The following ALS2CL variants were observed in gnomAD, a reference collection of about 807,000 sequenced individuals.
ALS2CL encodes ALS2 C-terminal like, also known as ALS2 C-terminal-like protein.
Under a neutral mutation model 127.9 loss-of-function variants are expected in ALS2CL, and 112 were observed. The ratio of observed to expected loss-of-function variants is 0.88; its 90% CI spans 0.75 to 1.02. The LOEUF (loss-of-function observed/expected upper bound fraction) is 1.02. Ranked by LOEUF, ALS2CL falls within the 50% of genes least tolerant of loss-of-function variation. The probability of loss-of-function intolerance (pLI) is 0.00; values close to 1 mark genes in which losing one functional copy is unlikely to be tolerated. For missense variants in ALS2CL, 1,174 were observed against 1,236.7 expected, an observed-to-expected ratio of 0.95 and a Z score of 0.76; for synonymous variants, 519 against 527.6, an observed-to-expected ratio of 0.98 and a Z score of 0.22.
rs145221252 is a variant in ALS2CL at position 46,682,858 on chromosome 3, C to T, written c.1109+272G>A. Among the ~76,000 whole-genome samples the T allele has an allele frequency of 8.4e-3, 1,284 of 152,346 alleles. 27 individuals carry two copies. Among genetic ancestry groups the T allele is most frequent in the African/African-American group, 0.029 (1,221 of 41,566 alleles). Reference sequence around the variant, plus strand: ...GATGTGAGAATTATTCTCCCACCCTCCTAAGAATGGAATGGCACCTGCAGG... The same window carrying T: ...GATGTGAGAATTATTCTCCCACCCTTCTAAGAATGGAATGGCACCTGCAGG... On this transcript the variant is annotated intron_variant, in intron 10 of 25. Coordinates refer to ENST00000318962, the MANE Select transcript of ALS2CL (RefSeq NM_147129.5).
Position 46,676,897 on chromosome 3 carries a change from T to G in ALS2CL, c.1883A>C (p.Gln628Pro). Reference protein sequence around the residue: ...LQEALLGFDVQSSRELRRSQD... With the variant: ...LQEALLGFDVPSSRELRRSQD... ...AGACCTACGCAGCTCCCTGGAGCTC[T>G]GCACGTCGAAGCCCAGCAGGGCCTC... The change falls in exon 17 of 26, where the codon CAG becomes CCG. Residue 628 changes from glutamine to proline, a missense_variant. Transcript: ENST00000318962. The G allele has an allele frequency of 6.2e-7, 1 of 1,612,720 alleles. No individual in the cohort carries two copies. The highest frequency in any genetic ancestry group is 2.2e-5 in the East Asian group (1 of 44,774).
chr3:46,687,172 C>A, intron 4 of ALS2CL, 24 bp from the exon 5 acceptor site: 4 of 1,503,426 alleles, frequency 2.7e-6, no homozygotes, highest in Non-Finnish European at 3.5e-6. Context: ...GGGCCACGCA[C>A]CACCTTCACC....
rs1392669190 is a variant in ALS2CL at position 46,675,649 on chromosome 3, C to T, written c.2224G>A (p.Ala742Thr). The T allele has an allele frequency of 4.3e-6, 7 of 1,613,766 alleles. No homozygotes were observed. The highest frequency in any genetic ancestry group is 5.9e-6 in the Non-Finnish European group (7 of 1,180,034). The change falls in exon 20 of 26, where the codon GCC becomes ACC. Residue 742 changes from alanine to threonine, a missense_variant. Coordinates refer to ENST00000318962, the MANE Select transcript of ALS2CL (RefSeq NM_147129.5). ...TCTGTGTCTTCATCCTCCTCCAGGG[C>T]CTGGCCCTTGCGCTCTAAGGCAACT... Reference protein sequence around the residue: ...LRVALERKGQALEEDEDTETR... With the variant: ...LRVALERKGQTLEEDEDTETR...
rs374281760 is a variant in ALS2CL at position 46,672,204 on chromosome 3, G to C, written c.2473-3C>G. 110 of 1,613,980 alleles carry C rather than the reference G, an allele frequency of 6.8e-5. No homozygotes were observed. Among genetic ancestry groups the C allele is most frequent in the Non-Finnish European group, 7.8e-5 (92 of 1,179,976 alleles). On this transcript the variant is annotated splice_region_variant and splice_polypyrimidine_tract_variant and intron_variant, in intron 22 of 25. Transcript: ENST00000318962. The stretch of plus-strand genomic sequence containing the variant: ...TTGTCCCTGACCAGGGAGTACCTCT[G>C]CATGGTGGAGGGAGTGGGCTGGATG...
At chr3:46,671,791 C>T in intron 24 of ALS2CL, 93 bp downstream of exon 24, 1 of 1,565,472 alleles carries the variant, frequency 6.4e-7, no homozygotes, top group East Asian at 2.3e-5. Flanking sequence ...AAGCTGCATC[C>T]ATAAACCCTG....
intron 21 of ALS2CL, among the ~76,000 whole-genome samples, chr3:46,673,722 G>A (rs1346347947): frequency 1.3e-5 from 2 of 152,212 alleles, no homozygotes; most frequent in Admixed American, 6.5e-5. Context: ...CAGAGGTGGA[G>A]GCTGGTGTGG....
intron 6 of ALS2CL, 117 bp from the exon 7 acceptor site, chr3:46,685,761 C>G: frequency 7.1e-7 from 1 of 1,405,590 alleles, no homozygotes; most frequent in Non-Finnish European, 9.6e-7. Context: ...TCCAGTAGAC[C>G]TGGAGCGGAC....
intron 3 of ALS2CL, 85 bp downstream of exon 3, chr3:46,688,013 T>G: frequency 6.6e-7 from 1 of 1,507,278 alleles, no homozygotes; most frequent in Non-Finnish European, 9.1e-7. Context: ...CTGACCCATG[T>G]GAGCCCCAAC....
chr3:46,692,010 T>C (rs896542039), intron 1 of ALS2CL, among the ~76,000 whole-genome samples: 3 of 152,172 alleles, frequency 2.0e-5, no homozygotes, highest in Non-Finnish European at 2.9e-5. Flanking sequence ...CAGACTCAAG[T>C]TGGCAACTGT....
Position 46,671,553 on chromosome 3 carries a change from T to C in ALS2CL, c.2716A>G (p.Ile906Val). The change falls in exon 25 of 26, where the codon ATC (isoleucine) becomes GTC (valine). Residue 906 changes from isoleucine to valine, a missense_variant. Transcript: ENST00000318962. Reference sequence around the variant, plus strand: ...TGGTTGGGGTCCATCATGTCACGGATCAGGTGGATCTCGGCTCCCAGGTGC... The same window carrying C: ...TGGTTGGGGTCCATCATGTCACGGACCAGGTGGATCTCGGCTCCCAGGTGC... ...IQHLGAEIHL[I>V]RDMMDPNHTG... is the part of the protein sequence containing the mutation. The C allele has an allele frequency of 6.2e-7, 1 of 1,613,528 alleles. No homozygotes were observed. Among genetic ancestry groups the C allele is most frequent in the Non-Finnish European group, 8.5e-7 (1 of 1,179,868 alleles).
chr3:46,676,975 ACT>A lies in ALS2CL; in HGVS notation c.1803_1804del (p.Val602LeufsTer33). ...CACAAAGTCCCGGAAGGGGCTGTAG[ACT>A]CCCTGCCAGCGGCTTTCCACGGGGA... On this transcript the variant is annotated frameshift_variant, in exon 17 of 26. Transcript: ENST00000318962. LOFTEE classifies it high-confidence loss of function. The A allele has an allele frequency of 6.2e-7, 1 of 1,612,042 alleles. No homozygotes were observed. Among genetic ancestry groups the A allele is most frequent in the Non-Finnish European group, 8.5e-7 (1 of 1,179,156 alleles).
intron 20 of ALS2CL, 98 bp from the exon 21 acceptor site, chr3:46,674,837 A>G: frequency 8.0e-7 from 1 of 1,251,768 alleles, no homozygotes; most frequent in Non-Finnish European, 1.1e-6. Context: ...CACAACAAAC[A>G]GTGTCCTGGC....
chr3:46,675,456 G>T, intron 20 of ALS2CL, 162 bp downstream of exon 20: 1 of 672,108 alleles, frequency 1.5e-6, no homozygotes. Flanking sequence ...CAGAGGTCAT[G>T]GGTCATTCTA....
chr3:46,679,934 G>A (rs1392259919), intron 14 of ALS2CL: 1 of 161,778 alleles, frequency 6.2e-6, no homozygotes, highest in Non-Finnish European at 1.4e-5. Flanking sequence ...GCAGACCAGG[G>A]TGTGAGTGTC....
At chr3:46,687,711 C>T (rs773040469) in intron 3 of ALS2CL, 27 bp from the exon 4 acceptor site, 1 of 1,602,246 alleles carries the variant, frequency 6.2e-7, no homozygotes, top group Non-Finnish European at 8.5e-7. Flanking sequence ...GGACACCCTG[C>T]AAACCCAGTC....
At position 46,681,521 on chromosome 3, in the gene ALS2CL, ATGC is replaced by A. The variant is rs1699344176; in HGVS notation, c.1250_1252del (p.Ser417del). On this transcript the variant is annotated inframe_deletion, in exon 12 of 26. Coordinates refer to ENST00000318962, the MANE Select transcript of ALS2CL (RefSeq NM_147129.5). This position sits in a 1 kb window ranked among gnomAD's most constrained non-coding sequence, Gnocchi z 4.9. ...TTACTCACAGATGCCGTAGCCACAC[ATGC>A]TGCCTTCTCGCCAGTGACACTTGTA... 1 of 1,613,956 alleles carries A rather than the reference ATGC, an allele frequency of 6.2e-7. No homozygotes were observed.
At chr3:46,687,468 G>A (rs1361445171) in intron 4 of ALS2CL, 151 bp downstream of exon 4, 2 of 906,854 alleles carry the variant, frequency 2.2e-6, no homozygotes, top group African/African-American at 1.7e-5. Flanking sequence ...CTCTTCCAGT[G>A]TGGATCAGTG....
At position 46,670,790 on chromosome 3, in the gene ALS2CL, A is replaced by T; in HGVS notation, c.*194T>A. ...GGCTAGTGGCCAAGGGAAAACCACC[A>T]CATCCAGGGCCACACCCGTCACCCC... On this transcript the variant is annotated 3_prime_UTR_variant, in exon 26 of 26. Coordinates refer to ENST00000318962, the MANE Select transcript of ALS2CL (RefSeq NM_147129.5). The surrounding 1 kb of genome is among the most constrained non-coding windows in gnomAD (Gnocchi z 5.5). 1.8e-6 allele frequency: 1 copy of T among 569,978 alleles called. No individual in the cohort carries two copies. The highest frequency in any genetic ancestry group is 3.1e-6 in the Non-Finnish European group (1 of 319,948). 35.3% of individuals were successfully genotyped at this position (569,978 alleles called of 1,614,324 possible). A position where few individuals can be genotyped will look rare whatever the true frequency, so the allele number is the denominator to read the frequency against.
rs370821138 is a variant in ALS2CL at position 46,674,753 on chromosome 3, C to A, written c.2256-14G>T. On this transcript the variant is annotated splice_polypyrimidine_tract_variant and intron_variant, in intron 20 of 25. Transcript: ENST00000318962. ...ACCTGGAGGTCCCTGATGGGGAGAC[C>A]GGAACAGGTTGGGATGAGCAAGGTG... The A allele has an allele frequency of 8.8e-6, 14 of 1,594,328 alleles. No individual in the cohort carries two copies. Among genetic ancestry groups the A allele is most frequent in the Non-Finnish European group, 1.2e-5 (14 of 1,170,346 alleles).
Sources: gnomAD v4.1 joint callset for allele counts (sites outside exome capture counted in the v4.1 genomes callset) on GRCh38, gnomAD v4.1.1 for gene constraint, Gnocchi (gnomAD v3.1) non-coding constraint, MANE v1.5 for transcripts, NCBI Gene and HGNC (gene_info 2026-07-23, HGNC 2026-07-21) for gene names.